FAH: variants seen among roughly 807,000 people sequenced by gnomAD.
FAH encodes the protein fumarylacetoacetase.
In FAH, 47 loss-of-function variants were observed where a neutral mutation model predicts 55.8. That is an observed-to-expected ratio of 0.84 (90% CI 0.67 to 1.07). The LOEUF (loss-of-function observed/expected upper bound fraction) is 1.07, where lower values mean the gene tolerates loss of function less well. Ranked by LOEUF, FAH falls within the 50% of genes least tolerant of loss-of-function variation. The pLI is 0.00. For missense variants in FAH, 495 were observed against 545.9 expected, an observed-to-expected ratio of 0.91 and a Z score of 0.93; for synonymous variants, 199 against 207.7, an observed-to-expected ratio of 0.96 and a Z score of 0.36.
chr15:80,158,344 G>T (rs1270077699), intron 2 of FAH, among the ~76,000 whole-genome samples, 174 bp downstream of exon 2: 1 of 152,216 alleles, frequency 6.6e-6, no homozygotes, highest in Non-Finnish European at 1.5e-5. Flanking sequence ...GTAGGAGGTG[G>T]CCTTGGGACA....
chr15:80,171,341 G>GCC (rs201614065), intron 7 of FAH, among the ~76,000 whole-genome samples: 35,452 of 152,004 alleles, frequency 0.23, 4,853 homozygotes, highest in Middle Eastern at 0.33. Flanking sequence ...CATGTCCTTT[G>GCC]TAGGGACATG....
intron 12 of FAH, among the ~76,000 whole-genome samples, chr15:80,180,637 G>T (rs549662500): frequency 7.9e-5 from 12 of 152,320 alleles, no homozygotes; most frequent in African/African-American, 2.9e-4. Flanking sequence ...TGACCTTGGG[G>T]TGGTGCATGT....
At chr15:80,173,267 G>T in intron 9 of FAH, 123 bp downstream of exon 9, 2 of 1,317,070 alleles carry the variant, frequency 1.5e-6, no homozygotes. Flanking sequence ...CCCACGGCAT[G>T]CCCACAGCAG....
In FAH at chr15:80,181,154, T is replaced by C; in HGVS notation, c.1175T>C (p.Ile392Thr). Residue 392 changes from isoleucine to threonine, a missense_variant, in exon 13 of 14, where the codon ATA becomes ACA. Transcript: ENST00000561421. ...KFLLDGDEVI[I>T]TGYCQGDGYR... ...CTGCTGGACGGGGATGAAGTCATCA[T>C]AACAGGTGAGGGCTGCCAAACCCAG... is the stretch of plus-strand genomic sequence containing the variant. The C allele has an allele frequency of 6.2e-7, 1 of 1,609,676 alleles. No individual in the cohort carries two copies. Among genetic ancestry groups the C allele is most frequent in the Non-Finnish European group, 8.5e-7 (1 of 1,176,202 alleles).
chr15:80,172,376 G>T (rs2041248922), intron 8 of FAH, 128 bp downstream of exon 8: 2 of 705,466 alleles, frequency 2.8e-6, no homozygotes, highest in South Asian at 1.6e-5. Context: ...GAGAGTGGGG[G>T]TCTGGGTATC....
chr15:80,169,324 A>T (rs1162858866), intron 7 of FAH, among the ~76,000 whole-genome samples: 1 of 151,988 alleles, frequency 6.6e-6, no homozygotes, highest in African/African-American at 2.4e-5. Flanking sequence ...CGGAGGTTGC[A>T]GTGAGCTGAG....
intron 7 of FAH, among the ~76,000 whole-genome samples, chr15:80,168,953 A>G (rs2041218593): frequency 6.6e-6 from 1 of 152,234 alleles, no homozygotes; most frequent in Non-Finnish European, 1.5e-5. Flanking sequence ...AAACACACAT[A>G]AAACAGGCTA....
intron 5 of FAH, among the ~76,000 whole-genome samples, chr15:80,166,640 T>TTC (rs2041194515): frequency 6.8e-6 from 1 of 146,430 alleles, no homozygotes; most frequent in African/African-American, 2.5e-5. Flanking sequence ...ATTTTCTTTT[T>TTC]TTTTTTTTTT....
Position 80,172,190 on chromosome 15 carries a change from C to A in FAH, c.648C>A (p.Ile216=), listed in dbSNP as rs147016995. 1.0e-4 allele frequency: 164 copies of A among 1,614,106 alleles called. 1 individual carries two copies. In the Middle Eastern group the frequency reaches 2.0e-3, roughly 20 times the overall value. Reference sequence around the variant, plus strand: ...CTGGAAACAGATTGGGAGAGCCGATCCCCATTTCCAAGGCCCATGAGCACA... The same window carrying A: ...CTGGAAACAGATTGGGAGAGCCGATACCCATTTCCAAGGCCCATGAGCACA... ...VGPGNRLGEP[I]PISKAHEHIF... The change falls in exon 8 of 14, where the codon ATC becomes ATA. Residue 216 remains isoleucine, a synonymous_variant. Transcript: ENST00000561421.
intron 11 of FAH, 117 bp downstream of exon 11, chr15:80,177,700 G>A (rs975655967): frequency 2.1e-6 from 2 of 938,360 alleles, no homozygotes; most frequent in Non-Finnish European, 3.5e-6. Flanking sequence ...GTCAGCCTGT[G>A]GGCCTGGAGC....
intron 5 of FAH, among the ~76,000 whole-genome samples, chr15:80,167,657 G>A (rs898807923): frequency 1.1e-4 from 16 of 150,484 alleles, no homozygotes; most frequent in Non-Finnish European, 1.6e-4. Flanking sequence ...TCAGCCTCCC[G>A]AGTAGCTGGG....
rs755575861 is a variant in FAH, at chr15:80,180,241, C to T, written c.1062+16C>T. 3.1e-6 allele frequency: 5 copies of T among 1,591,672 alleles called. No individual in the cohort carries two copies. The highest frequency in any genetic ancestry group is 1.7e-5 in the Admixed American group (1 of 59,946). On this transcript the variant is annotated intron_variant, in intron 12 of 13. Transcript: ENST00000561421. The stretch of plus-strand genomic sequence containing the variant: ...CAGCGGGCCGGTGAGTATCTGGCTG[C>T]ACTGAGGGCTGCCCACGCAGAGCAT...
chr15:80,170,260 G>A (rs2142099575), intron 7 of FAH, among the ~76,000 whole-genome samples: 1 of 152,392 alleles, frequency 6.6e-6, no homozygotes, highest in East Asian at 1.9e-4. Flanking sequence ...AGCACCTACA[G>A]TTTTAGGCGT....
chr15:80,176,692 A>AGT (rs2041287403), intron 10 of FAH, among the ~76,000 whole-genome samples: 1 of 151,732 alleles, frequency 6.6e-6, no homozygotes, highest in Non-Finnish European at 1.5e-5. Context: ...GCGTGCTTGG[A>AGT]GTATACTTTC....
At position 80,177,546 on chromosome 15, in the gene FAH, T is replaced by C. The variant is rs1009384879; in HGVS notation, c.923T>C (p.Met308Thr). The C allele has an allele frequency of 3.1e-6, 5 of 1,613,904 alleles. No homozygotes were observed. Among genetic ancestry groups the C allele is most frequent in the Non-Finnish European group, 3.4e-6 (4 of 1,179,834 alleles). ...NLSVNLKGEG[M>T]SQAATICKSN... ...CTTTTCTTTCCAACAGGAGAAGGAA[T>C]GAGCCAGGCGGCTACCATATGCAAG... Residue 308 changes from methionine (M) to threonine (T), a missense_variant, in exon 11 of 14, where the codon ATG becomes ACG. Met to Thr is a moderately conservative substitution (Grantham distance 81). Transcript: ENST00000561421.
At position 80,167,931 on chromosome 15, in the gene FAH, T is replaced by C; in HGVS notation, c.456-121T>C. On this transcript the variant is annotated intron_variant, in intron 5 of 13. Coordinates refer to ENST00000561421, the MANE Select transcript of FAH (RefSeq NM_000137.4). ...CTGTGGATGGAAACTTGTAAGCACCTGTTGATTTTTGAGCCATGTGTATGT... is the reference window on the plus strand; with the variant it reads ...CTGTGGATGGAAACTTGTAAGCACCCGTTGATTTTTGAGCCATGTGTATGT... 3.9e-6 allele frequency: 3 copies of C among 761,062 alleles called. No individual in the cohort carries two copies. The East Asian group carries it at 7.9e-5, about 20-fold the overall frequency. The allele number at this position is 761,062 out of a possible 1,614,324, so 47.1% of individuals were successfully genotyped here.
intron 13 of FAH, among the ~76,000 whole-genome samples, chr15:80,184,648 A>C (rs1382605214): frequency 6.6e-6 from 1 of 152,126 alleles, no homozygotes; most frequent in Non-Finnish European, 1.5e-5. Context: ...AAATAATGAA[A>C]ATGAGCAACA....
At chr15:80,182,731 A>G (rs1346557220) in intron 13 of FAH, among the ~76,000 whole-genome samples, 3 of 152,182 alleles carry the variant, frequency 2.0e-5, no homozygotes. Context: ...AAGTCCCACA[A>G]CTGGGGAAGC....
At chr15:80,183,614 T>C (rs931342666) in intron 13 of FAH, among the ~76,000 whole-genome samples, 2 of 152,240 alleles carry the variant, frequency 1.3e-5, no homozygotes, top group Non-Finnish European at 2.9e-5. Flanking sequence ...TATGGCTGCC[T>C]CTCATTTCCC....
Sources: allele counts gnomAD v4.1 joint callset (sites outside exome capture counted in the v4.1 genomes callset), GRCh38; gene constraint gnomAD v4.1.1; transcripts MANE v1.5; gene names NCBI Gene and HGNC (gene_info 2026-07-23, HGNC 2026-07-21).